SLC8A1: variants seen among roughly 807,000 people sequenced by gnomAD.
The protein encoded by SLC8A1 is sodium/calcium exchanger 1.
SLC8A1 carries 18 observed loss-of-function variants against 68.3 expected under a neutral mutation model. The ratio of observed to expected loss-of-function variants is 0.26; its 90% CI spans 0.18 to 0.39. SLC8A1 has a LOEUF of 0.39. Ranked by LOEUF, SLC8A1 falls within the 10% of genes least tolerant of loss-of-function variation. The pLI, the probability that SLC8A1 is intolerant of heterozygous loss-of-function variation, is 1.00. For missense variants in SLC8A1, 985 were observed against 1,156.7 expected, an observed-to-expected ratio of 0.85 and a Z score of 2.15; for synonymous variants, 475 against 415.5, an observed-to-expected ratio of 1.14 and a Z score of -1.74.
intron 2 of SLC8A1, among the ~76,000 whole-genome samples, chr2:40,287,622 A>ATGTGTGTGTGTGTGTGTGTGTGTG (rs1553475996): frequency 6.4e-4 from 46 of 72,118 alleles, no homozygotes; most frequent in South Asian, 1.0e-3. Flanking sequence ...GTGTGTGTGC[A>ATGTGTGTGTGTGTGTGTGTGTGTG]TGCAGGGACA....
intron 7 of SLC8A1, among the ~76,000 whole-genome samples, chr2:40,126,064 A>C (rs1300168335): frequency 6.6e-6 from 1 of 152,086 alleles, no homozygotes; most frequent in Non-Finnish European, 1.5e-5. Flanking sequence ...GGGTCAGATG[A>C]ATGTGAGGGC....
intron 2 of SLC8A1, among the ~76,000 whole-genome samples, chr2:40,298,725 G>C (rs146227095): frequency 2.0e-5 from 3 of 152,318 alleles, no homozygotes; most frequent in East Asian, 3.9e-4. Context: ...TGACATAAGA[G>C]ATGGTAAAGG....
exon 8 of SLC8A1, chr2:40,098,566 C>T (rs966974689): frequency 1.3e-5 from 2 of 151,946 alleles, no homozygotes; most frequent in African/African-American, 4.8e-5. Flanking sequence ...TAGAGAAGAT[C>T]TGTCATTAAT....
At chr2:40,466,390 G>A (rs922581197) in intron 1 of SLC8A1, among the ~76,000 whole-genome samples, 1 of 152,164 alleles carries the variant, frequency 6.6e-6, no homozygotes, top group Admixed American at 6.5e-5. Context: ...AAGCTTCACA[G>A]GGGCTACACT....
intron 2 of SLC8A1, among the ~76,000 whole-genome samples, chr2:40,204,427 G>A (rs554340506): frequency 6.6e-6 from 1 of 151,954 alleles, no homozygotes; most frequent in Non-Finnish European, 1.5e-5. Context: ...TGACAACTAT[G>A]TACTGCAATT....
intron 2 of SLC8A1, among the ~76,000 whole-genome samples, chr2:40,354,132 C>T (rs76192803): frequency 3.5e-4 from 53 of 152,260 alleles, no homozygotes; most frequent in African/African-American, 1.2e-3. Context: ...CCTCCATATG[C>T]GCTATACCAC....
intron 2 of SLC8A1, among the ~76,000 whole-genome samples, chr2:40,395,091 G>A (rs1050194657): frequency 1.3e-5 from 2 of 152,168 alleles, no homozygotes; most frequent in Admixed American, 1.3e-4. Context: ...TAACTAGACA[G>A]TGCTCTTTAA....
intron 2 of SLC8A1, among the ~76,000 whole-genome samples, chr2:40,300,393 T>C (rs2071230176): frequency 6.8e-6 from 1 of 147,982 alleles, no homozygotes; most frequent in South Asian, 2.1e-4. Context: ...AGCCAGGATG[T>C]GCTTCACTGC....
intron 2 of SLC8A1, among the ~76,000 whole-genome samples, chr2:40,284,115 G>A (rs764224744): frequency 4.6e-5 from 7 of 151,876 alleles, no homozygotes; most frequent in South Asian, 4.1e-4. Context: ...TCTTGCACAC[G>A]AATTACATTG....
chr2:40,462,173 AT>A (rs1703390147), intron 1 of SLC8A1, among the ~76,000 whole-genome samples: 1 of 151,072 alleles, frequency 6.6e-6, no homozygotes, highest in Admixed American at 6.6e-5. Context: ...CACCTGGCTA[AT>A]TTTTGTATTT....
intron 2 of SLC8A1, among the ~76,000 whole-genome samples, chr2:40,355,528 G>A (rs1672396303): frequency 6.6e-6 from 1 of 152,022 alleles, no homozygotes; most frequent in Admixed American, 6.6e-5. Context: ...AAGATCAGGG[G>A]TTTTCTATTA....
At chr2:40,342,443 T>C (rs923516682) in intron 2 of SLC8A1, among the ~76,000 whole-genome samples, 2 of 151,988 alleles carry the variant, frequency 1.3e-5, no homozygotes, top group African/African-American at 4.8e-5. Context: ...ATAATTAGAG[T>C]GGGATTTGTT....
intron 2 of SLC8A1, among the ~76,000 whole-genome samples, chr2:40,310,532 C>CG (rs2073480576): frequency 6.6e-6 from 1 of 152,144 alleles, no homozygotes; most frequent in Non-Finnish European, 1.5e-5. Flanking sequence ...ATCTGTAGTA[C>CG]TCGGGTCTGT....
intron 2 of SLC8A1, among the ~76,000 whole-genome samples, chr2:40,241,691 C>G (rs1310777761): frequency 6.6e-6 from 1 of 151,858 alleles, no homozygotes; most frequent in Non-Finnish European, 1.5e-5. Context: ...CCATCTAATC[C>G]CAATTCAGAG....
intron 2 of SLC8A1, among the ~76,000 whole-genome samples, chr2:40,296,356 T>C (rs79822512): frequency 0.012 from 1,843 of 152,268 alleles, 38 homozygotes; most frequent in African/African-American, 0.042. Context: ...CAATGGAATA[T>C]AAGGGATTCA....
At chr2:40,307,170 C>A (rs2072798886) in intron 2 of SLC8A1, among the ~76,000 whole-genome samples, 1 of 150,748 alleles carries the variant, frequency 6.6e-6, no homozygotes, top group African/African-American at 2.5e-5. Flanking sequence ...CACACACACA[C>A]AAACACATAC....
intron 2 of SLC8A1, among the ~76,000 whole-genome samples, chr2:40,399,681 G>T (rs773458537): frequency 6.6e-6 from 1 of 152,070 alleles, no homozygotes; most frequent in Non-Finnish European, 1.5e-5. Context: ...AATAGCCCCT[G>T]TCATTTTTAC....
At chr2:40,223,301 G>C (rs1197234279) in intron 2 of SLC8A1, among the ~76,000 whole-genome samples, 1 of 152,138 alleles carries the variant, frequency 6.6e-6, no homozygotes, top group South Asian at 2.1e-4. Flanking sequence ...TCACTCATAA[G>C]TGGGAGTTGA....
chr2:40,119,330 A>C (rs2125094425), intron 7 of SLC8A1, among the ~76,000 whole-genome samples: 1 of 48,956 alleles, frequency 2.0e-5, no homozygotes, highest in South Asian at 1.3e-3. Flanking sequence ...ATTCAAAAGC[A>C]ATGTAAAAAA....
Sources: gnomAD v4.1 joint callset for allele counts (sites outside exome capture counted in the v4.1 genomes callset) on GRCh38, gnomAD v4.1.1 for gene constraint, MANE v1.5 for transcripts, NCBI Gene and HGNC (gene_info 2026-07-23, HGNC 2026-07-21) for gene names.